The following MIA2 variants were observed in gnomAD, a reference collection of about 807,000 sequenced individuals.
MIA2 encodes the protein melanoma inhibitory activity protein 2.
A neutral mutation model predicts 167.8 loss-of-function variants in MIA2; 127 were observed. The observed-to-expected ratio is 0.76, with a 90% confidence interval of 0.66 to 0.88. The LOEUF (loss-of-function observed/expected upper bound fraction) is 0.88, where lower values mean the gene tolerates loss of function less well. MIA2 is among the 40% of genes least tolerant of loss of function. The pLI is 0.00. For synonymous variants in MIA2, 552 were observed against 541.9 expected (o/e 1.02, Z -0.26); for missense variants, 1,690 against 1,624.7 (o/e 1.04, Z -0.69).
intron 6 of MIA2, chr14:39,265,175 A>G: frequency 2.0e-6 from 1 of 493,046 alleles, no homozygotes; most frequent in South Asian, 2.6e-5. Flanking sequence ...ATATATATAT[A>G]TACTTAACAA....
chr14:39,272,659 G>A (rs1015278496), intron 6 of MIA2, among the ~76,000 whole-genome samples: 5 of 152,106 alleles, frequency 3.3e-5, no homozygotes, highest in Admixed American at 6.5e-5. Flanking sequence ...TGCTGCTTGA[G>A]GCTGAGGTGG....
chr14:39,237,115 C>T, intron 2 of MIA2, 60 bp downstream of exon 2: 1 of 1,574,074 alleles, frequency 6.4e-7, no homozygotes, highest in South Asian at 1.1e-5. Context: ...ACAAAGATTC[C>T]TTCCTTTTCT....
intron 25 of MIA2, among the ~76,000 whole-genome samples, chr14:39,344,548 T>C (rs1457858789): frequency 6.6e-6 from 1 of 152,186 alleles, no homozygotes; most frequent in Non-Finnish European, 1.5e-5. Context: ...ATAATTCTCT[T>C]TATTGACTCT....
rs201758391 is a variant in MIA2 at position 39,236,950 on chromosome 14, A to C, written c.144A>C (p.Arg48Ser). ...EALINRVSAM[R>S]DYRGPDCRYL... ...TAATAAACAGAGTCTCAGCCATGAG[A>C]GATTATAGAGGACCTGACTGCCGAT... The change falls in exon 2 of 29, where the codon AGA becomes AGC. Residue 48 changes from arginine (R) to serine (S), a missense_variant. Coordinates refer to ENST00000640607, the MANE Select transcript of MIA2 (RefSeq NM_001329214.4). 13 of 1,613,444 alleles carry C rather than the reference A, an allele frequency of 8.1e-6. No individual in the cohort carries two copies. The African/African-American group carries it at 1.2e-4, about 15-fold the overall frequency.
chr14:39,254,640 C>T lies in MIA2; in HGVS notation c.1887+1469C>T, dbSNP rs565707087. ...CGCTGTCTAAAGGATAAAGGTACTA[C>T]TTGCCTTCAGCCTAGTTTCCCAGAT... On this transcript the variant is annotated intron_variant, in intron 6 of 28. Coordinates refer to ENST00000640607, the MANE Select transcript of MIA2 (RefSeq NM_001329214.4). Among the ~76,000 whole-genome samples the T allele has an allele frequency of 2.0e-5, 3 of 152,320 alleles. No homozygotes were observed. The South Asian group carries it at 6.2e-4, about 32-fold the overall frequency.
intron 25 of MIA2, among the ~76,000 whole-genome samples, chr14:39,339,880 CTG>C (rs1336137594): frequency 6.6e-6 from 1 of 152,208 alleles, no homozygotes; most frequent in Non-Finnish European, 1.5e-5. Flanking sequence ...GAATCTCACT[CTG>C]TCATCCAGGC....
rs1044823798 is a variant in MIA2 at position 39,247,613 on chromosome 14, T to C, written c.1039T>C (p.Ser347Pro). 6 of 1,613,866 alleles carry C rather than the reference T, an allele frequency of 3.7e-6. No homozygotes were observed. In the Admixed American group the frequency reaches 6.7e-5, roughly 18 times the overall value. ...PLQDFPNSIS[S>P]DKEATVPCTE... ...ACAAGATTTTCCCAATTCCATATCA[T>C]CTGATAAAGAAGCCACAGTTCCATG... Residue 347 changes from serine (S) to proline (P), a missense_variant, in exon 4 of 29, where the codon TCT becomes CCT. Ser to Pro is a moderately conservative substitution (Grantham distance 74, BLOSUM62 -1). Transcript: ENST00000640607.
intron 18 of MIA2, among the ~76,000 whole-genome samples, chr14:39,310,432 T>G (rs1026622660): frequency 1.3e-5 from 2 of 152,198 alleles, no homozygotes; most frequent in African/African-American, 4.8e-5. Context: ...AGGCATGAAT[T>G]ACAGTGCTTT....
chr14:39,338,078 A>C (rs779649799), intron 25 of MIA2, among the ~76,000 whole-genome samples: 1 of 152,190 alleles, frequency 6.6e-6, no homozygotes, highest in Non-Finnish European at 1.5e-5. Flanking sequence ...TGGTGGATTC[A>C]AGAGTTTGAG....
rs1346976760 is a variant in MIA2 at position 39,305,323 on chromosome 14, TTACTTTCAAGG to T, written c.2878+943_2878+953del. 2.2e-3 allele frequency among the ~76,000 whole-genome samples: 336 copies of T among 152,348 alleles called. 4 individuals are homozygous for T. Among genetic ancestry groups the T allele is most frequent in the South Asian group, 1.2e-3 (6 of 4,830 alleles). Reference sequence around the variant, plus strand: ...GAGATATACAGAAGGAAAAGATAGCTTACTTTCAAGGAAGCTGTATTTCAAAAAATGTGTGT... The same window carrying T: ...GAGATATACAGAAGGAAAAGATAGCTAAGCTGTATTTCAAAAAATGTGTGT... On this transcript the variant is annotated intron_variant, in intron 17 of 28. Transcript: ENST00000640607.
intron 9 of MIA2, among the ~76,000 whole-genome samples, chr14:39,290,095 G>C (rs1175199299): frequency 6.6e-6 from 1 of 152,154 alleles, no homozygotes. Context: ...CTTTGGACAG[G>C]TCATTGTTTA....
At chr14:39,375,693 T>A (rs1418517011) in intron 23 of MIA2, among the ~76,000 whole-genome samples, 1 of 152,148 alleles carries the variant, frequency 6.6e-6, no homozygotes, top group Non-Finnish European at 1.5e-5. Context: ...CAAGAGTCTG[T>A]CTTTAAAAAC....
chr14:39,289,491 G>T (rs1341347648), intron 9 of MIA2, among the ~76,000 whole-genome samples: 1 of 152,286 alleles, frequency 6.6e-6, no homozygotes, highest in South Asian at 2.1e-4. Flanking sequence ...AGGATTACAG[G>T]TGTGAGCCAC....
chr14:39,273,599 GT>G (rs57512371), intron 6 of MIA2, among the ~76,000 whole-genome samples: 30,261 of 149,060 alleles, frequency 0.2, 2,998 homozygotes, highest in Middle Eastern at 0.28. Flanking sequence ...ATGATCATGC[GT>G]TTTTTTTTTC....
At chr14:39,354,179 T>C (rs571517613), downstream of MIA2, among the ~76,000 whole-genome samples, 54 of 152,322 alleles carry the variant, frequency 3.5e-4, no homozygotes, top group Admixed American at 9.8e-4. Flanking sequence ...ACAGTCCCAC[T>C]AACAGTGTAA....
At chr14:39,332,640 C>T (rs532599281) in intron 25 of MIA2, among the ~76,000 whole-genome samples, 42 of 152,166 alleles carry the variant, frequency 2.8e-4, no homozygotes, top group African/African-American at 1.0e-3. Context: ...TCCTTCACGG[C>T]ACAGTCCCTC....
chr14:39,376,219 G>T (rs1240050569), intron 23 of MIA2, among the ~76,000 whole-genome samples: 1 of 152,168 alleles, frequency 6.6e-6, no homozygotes, highest in Non-Finnish European at 1.5e-5. Context: ...CTCCCAAAGT[G>T]CTGGGATTAC....
downstream of MIA2, among the ~76,000 whole-genome samples, chr14:39,351,953 C>T (rs1386589687): frequency 1.3e-5 from 2 of 152,108 alleles, no homozygotes; most frequent in Non-Finnish European, 2.9e-5. Context: ...ATTCCTGAGT[C>T]ACTCAGAAGG....
At chr14:39,367,333 G>A (rs1235599676) in intron 23 of MIA2, among the ~76,000 whole-genome samples, 3 of 152,186 alleles carry the variant, frequency 2.0e-5, no homozygotes, top group Non-Finnish European at 4.4e-5. Context: ...AGATGCAGGG[G>A]CTGTTGAGCC....
Sources: allele counts gnomAD v4.1 joint callset (sites outside exome capture counted in the v4.1 genomes callset), GRCh38; gene constraint gnomAD v4.1.1; transcripts MANE v1.5; gene names NCBI Gene and HGNC (gene_info 2026-07-23, HGNC 2026-07-21).